PCDH15: variants seen among roughly 807,000 people sequenced by gnomAD.
PCDH15 encodes the protein protocadherin related 15.
Under a neutral mutation model 178.5 loss-of-function variants are expected in PCDH15, and 129 were observed. The observed-to-expected ratio is 0.72, with a 90% CI of 0.63 to 0.84. The LOEUF is 0.84. Ranked by LOEUF, PCDH15 falls within the 40% of genes least tolerant of loss-of-function variation. The pLI is 0.00. For synonymous variants in PCDH15, 800 were observed against 732.0 expected (o/e 1.09, Z -1.50); for missense variants, 2,230 against 2,099.9 (o/e 1.06, Z -1.21).
chr10:54,930,184 TA>T (rs1451783227), intron 2 of PCDH15, among the ~76,000 whole-genome samples: 1 of 152,092 alleles, frequency 6.6e-6, no homozygotes, highest in African/African-American at 2.4e-5. Flanking sequence ...GCCAACCAAG[TA>T]AAAAATCCAT....
At chr10:55,500,780 G>A (rs996348407) in intron 2 of PCDH15, among the ~76,000 whole-genome samples, 1 of 151,740 alleles carries the variant, frequency 6.6e-6, no homozygotes, top group African/African-American at 2.4e-5. Context: ...AAGTTAGAAT[G>A]CTGTCTGTAG....
intron 23 of PCDH15, among the ~76,000 whole-genome samples, chr10:53,942,435 G>C (rs983114496): frequency 2.6e-5 from 4 of 152,154 alleles, no homozygotes; most frequent in African/African-American, 7.2e-5. Context: ...GTCAATGGGG[G>C]CATTTTATCC....
At chr10:53,904,676 C>G (rs2082551612) in intron 25 of PCDH15, among the ~76,000 whole-genome samples, 2 of 152,156 alleles carry the variant, frequency 1.3e-5, no homozygotes, top group African/African-American at 4.8e-5. Flanking sequence ...TTATGCTTCT[C>G]TATCCTGCAG....
intron 3 of PCDH15, among the ~76,000 whole-genome samples, chr10:54,405,647 C>T (rs1952554860): frequency 6.6e-6 from 1 of 150,836 alleles, no homozygotes; most frequent in Admixed American, 6.6e-5. Context: ...ACAAGTTTAC[C>T]TACATAACAA....
At chr10:54,640,112 C>A (rs1034327842) in intron 2 of PCDH15, among the ~76,000 whole-genome samples, 1 of 151,724 alleles carries the variant, frequency 6.6e-6, no homozygotes, top group Non-Finnish European at 1.5e-5. Context: ...TAAATAAAAA[C>A]CAGTTAGAAA....
intron 2 of PCDH15, among the ~76,000 whole-genome samples, chr10:54,537,114 T>G (rs1190880200): frequency 6.8e-6 from 1 of 147,782 alleles, no homozygotes; most frequent in African/African-American, 2.5e-5. Flanking sequence ...GTCTTCTGCC[T>G]CAGCCTCCCG....
In PCDH15 at chr10:53,811,548, C is replaced by T; in HGVS notation, c.4562+1G>A. 1.3e-6 allele frequency: 2 copies of T among 1,528,470 alleles called. No homozygotes were observed. The highest frequency in any genetic ancestry group is 1.3e-5 in the South Asian group (1 of 75,260). The allele number at this position is 1,528,470 out of a possible 1,614,324, so 94.7% of individuals were successfully genotyped here. A position where few individuals can be genotyped will look rare whatever the true frequency, so the allele number is the denominator to read the frequency against. ...TGAATTTTAAAAATCTGAAGATGTA[C>T]CCATGCTCATAACTGTAATAATCTT... On this transcript the variant is annotated splice_donor_variant, in intron 36 of 37. Transcript: ENST00000644397. LOFTEE classifies it high-confidence loss of function.
intron 13 of PCDH15, among the ~76,000 whole-genome samples, chr10:54,154,250 T>C (rs992981220): frequency 6.6e-6 from 1 of 152,092 alleles, no homozygotes; most frequent in African/African-American, 2.4e-5. Flanking sequence ...CATACATCAA[T>C]AGTATTTTCT....
At chr10:55,073,786 T>TG (rs1241038821) in intron 2 of PCDH15, among the ~76,000 whole-genome samples, 4 of 152,054 alleles carry the variant, frequency 2.6e-5, no homozygotes, top group South Asian at 4.1e-4. Context: ...TAGGCTTTTT[T>TG]GGGGGGGAGA....
At chr10:53,905,244 T>G in intron 25 of PCDH15, 1 of 518,532 alleles carries the variant, frequency 1.9e-6, no homozygotes, top group South Asian at 1.4e-5. Context: ...TAATGTGTCC[T>G]GCATTCTGAT....
chr10:54,609,579 A>G (rs2092892999), intron 2 of PCDH15, among the ~76,000 whole-genome samples: 2 of 151,994 alleles, frequency 1.3e-5, no homozygotes, highest in African/African-American at 4.8e-5. Flanking sequence ...TCTATCAACA[A>G]AGGCCATTAA....
chr10:54,034,452 A>G (rs2093370064), intron 18 of PCDH15, among the ~76,000 whole-genome samples: 1 of 151,978 alleles, frequency 6.6e-6, no homozygotes, highest in Non-Finnish European at 1.5e-5. Context: ...ATGTCTCCAA[A>G]TTGGTTGATT....
intron 1 of PCDH15, among the ~76,000 whole-genome samples, chr10:54,780,328 G>A (rs577640785): frequency 2.6e-5 from 4 of 152,212 alleles, no homozygotes; most frequent in South Asian, 2.1e-4. Flanking sequence ...ATTTACTAAC[G>A]TAAATACAAA....
intron 3 of PCDH15, among the ~76,000 whole-genome samples, chr10:54,891,270 G>A (rs556051999): frequency 6.6e-6 from 1 of 152,156 alleles, no homozygotes; most frequent in African/African-American, 2.4e-5. Context: ...AGAAAAAATA[G>A]GCAAATTCTA....
intron 8 of PCDH15, among the ~76,000 whole-genome samples, chr10:54,295,543 T>A (rs1185543984): frequency 6.6e-6 from 1 of 152,140 alleles, no homozygotes; most frequent in Non-Finnish European, 1.5e-5. Flanking sequence ...ATGGCTTCAC[T>A]CCTGAAGTCA....
intron 2 of PCDH15, among the ~76,000 whole-genome samples, chr10:55,570,049 T>TC: frequency 6.6e-6 from 1 of 152,132 alleles, no homozygotes; most frequent in South Asian, 2.1e-4. Context: ...AGCTTTTTTT[T>TC]CTCAAACATG....
intron 3 of PCDH15, among the ~76,000 whole-genome samples, chr10:54,862,682 G>C (rs995242836): frequency 6.6e-6 from 1 of 152,272 alleles, no homozygotes; most frequent in East Asian, 1.9e-4. Flanking sequence ...TCCCTTAAAA[G>C]TAGGTCATTT....
At chr10:53,827,898 A>G (rs1447442479) in intron 31 of PCDH15, among the ~76,000 whole-genome samples, 1 of 152,218 alleles carries the variant, frequency 6.6e-6, no homozygotes, top group African/African-American at 2.4e-5. Context: ...AAGATGAGGC[A>G]TATTAAAGAT....
chr10:54,122,512 C>A (rs574429961), intron 15 of PCDH15, among the ~76,000 whole-genome samples: 1 of 151,338 alleles, frequency 6.6e-6, no homozygotes. Flanking sequence ...GAAGTGCTAG[C>A]CAGATGTTAA....
Sources: allele counts gnomAD v4.1 joint callset (sites outside exome capture counted in the v4.1 genomes callset), GRCh38; gene constraint gnomAD v4.1.1; transcripts MANE v1.5; gene names NCBI Gene and HGNC (gene_info 2026-07-23, HGNC 2026-07-21).